Variants in CYP20A1 observed in about 807,000 individuals in gnomAD.
The protein encoded by CYP20A1 is cytochrome P450 20A1.
A neutral mutation model predicts 61.4 loss-of-function variants in CYP20A1; 61 were observed. The ratio of observed to expected loss-of-function variants is 0.99; its 90% CI spans 0.81 to 1.23. The LOEUF (loss-of-function observed/expected upper bound fraction) is 1.23, where lower values mean the gene tolerates loss of function less well. Among genes scored for constraint, CYP20A1 ranks in the 50% most tolerant of loss-of-function variants. The probability of loss-of-function intolerance (pLI) is 0.00; values close to 1 mark genes in which losing one functional copy is unlikely to be tolerated. For synonymous variants in CYP20A1, 193 were observed against 188.2 expected (o/e 1.03, Z -0.21); for missense variants, 530 against 542.4 (o/e 0.98, Z 0.23).
intron 8 of CYP20A1, among the ~76,000 whole-genome samples, chr2:203,280,834 A>G (rs1025185442): frequency 6.6e-6 from 1 of 152,212 alleles, no homozygotes; most frequent in African/African-American, 2.4e-5. Flanking sequence ...GCCACCTCTG[A>G]AAATTGCCAT....
At chr2:203,245,472 A>G (rs1400187922) in intron 1 of CYP20A1, among the ~76,000 whole-genome samples, 1 of 151,236 alleles carries the variant, frequency 6.6e-6, no homozygotes, top group Non-Finnish European at 1.5e-5. Flanking sequence ...TAAGCCTAGT[A>G]CCCATTAGTT....
At chr2:203,265,493 G>A (rs2067288418) in intron 4 of CYP20A1, among the ~76,000 whole-genome samples, 1 of 152,034 alleles carries the variant, frequency 6.6e-6, no homozygotes, top group African/African-American at 2.4e-5. Context: ...TTATTCATTT[G>A]TCATGCACCC....
chr2:203,292,909 C>T (rs956399880), intron 11 of CYP20A1, among the ~76,000 whole-genome samples: 12 of 152,104 alleles, frequency 7.9e-5, no homozygotes, highest in Non-Finnish European at 7.3e-5. Context: ...GGCACCGTGG[C>T]TCATGCCTGT....
chr2:203,301,914 CTTTTTTTTTTT>C lies in CYP20A1; in HGVS notation c.*5018_*5028del, dbSNP rs763764173. On this transcript the variant is annotated 3_prime_UTR_variant, in exon 13 of 13. Transcript: ENST00000356079. ...TTTGAAGTTAACCACTGTTAAGATT[CTTTTTTTTTTT>C]TTTTTTTTTTTGTTTTGAGACTGAG... is the stretch of plus-strand genomic sequence containing the variant. 9.3e-4 allele frequency among the ~76,000 whole-genome samples: 96 copies of C among 103,572 alleles called. No homozygotes were observed. Among genetic ancestry groups the C allele is most frequent in the East Asian group, 6.8e-3 (22 of 3,234 alleles). 67.9% of individuals were successfully genotyped at this position (103,572 alleles called of 152,430 possible).
chr2:203,258,005 G>GCACAATTATAGCCC (rs1455916330), intron 4 of CYP20A1, among the ~76,000 whole-genome samples: 1 of 151,746 alleles, frequency 6.6e-6, no homozygotes, highest in Non-Finnish European at 1.5e-5. Context: ...GGGCTGAAGG[G>GCACAATTATAGCCC]ATCCTCCTGC....
intron 9 of CYP20A1, among the ~76,000 whole-genome samples, chr2:203,287,263 C>T (rs1373624947): frequency 7.6e-6 from 1 of 131,100 alleles, no homozygotes; most frequent in African/African-American, 2.8e-5. Context: ...CTGGAAAGAA[C>T]TAGGAGGCTT....
chr2:203,272,573 AG>A, intron 5 of CYP20A1, 96 bp from the exon 6 acceptor site: 1 of 348,504 alleles, frequency 2.9e-6, no homozygotes, highest in Non-Finnish European at 5.3e-6. Context: ...AAAAAAAAAG[AG>A]TTAAAGAGTT....
intron 4 of CYP20A1, among the ~76,000 whole-genome samples, chr2:203,254,743 C>T (rs1418047180): frequency 6.6e-6 from 1 of 152,084 alleles, no homozygotes; most frequent in African/African-American, 2.4e-5. Flanking sequence ...AATCTCAGCA[C>T]TTTGAGAGGC....
At chr2:203,257,133 T>C (rs1308233942) in intron 4 of CYP20A1, among the ~76,000 whole-genome samples, 1 of 151,634 alleles carries the variant, frequency 6.6e-6, no homozygotes, top group Admixed American at 6.6e-5. Flanking sequence ...CCTCCCGTGA[T>C]GAGACCCTGT....
At chr2:203,296,607 T>G in intron 12 of CYP20A1, 44 bp downstream of exon 12, 1 of 1,494,316 alleles carries the variant, frequency 6.7e-7, no homozygotes, top group Non-Finnish European at 9.2e-7. Context: ...ATTTTGATGA[T>G]CACTGTTGAT....
intron 2 of CYP20A1, 152 bp from the exon 3 acceptor site, chr2:203,246,603 G>A: frequency 1.4e-6 from 1 of 708,656 alleles, no homozygotes; most frequent in South Asian, 2.0e-5. Flanking sequence ...TAGCAAGAAG[G>A]CAAATATAAT....
At chr2:203,288,962 C>T (rs2068418151) in intron 9 of CYP20A1, among the ~76,000 whole-genome samples, 2 of 152,138 alleles carry the variant, frequency 1.3e-5, no homozygotes, top group Admixed American at 6.6e-5. Context: ...GATTGCAATA[C>T]ATTTTAGTTT....
chr2:203,258,036 G>A (rs1370605338), intron 4 of CYP20A1, among the ~76,000 whole-genome samples: 1 of 51,002 alleles, frequency 2.0e-5, no homozygotes, highest in African/African-American at 3.9e-5. Flanking sequence ...TGAGTAACTA[G>A]GACCACAGGC....
chr2:203,303,064 G>C lies in CYP20A1; in HGVS notation c.*6156G>C, dbSNP rs1485130839. 6.6e-6 allele frequency among the ~76,000 whole-genome samples: 1 copy of C among 151,632 alleles called. No individual in the cohort carries two copies. Among genetic ancestry groups the C allele is most frequent in the East Asian group, 1.9e-4 (1 of 5,160 alleles). On this transcript the variant is annotated 3_prime_UTR_variant, in exon 13 of 13. Transcript: ENST00000356079. Reference sequence around the variant, plus strand: ...CACCCAGGCTGGAGTGTGGTGGCACGATCTTGGCTCACTGCAACCCCTGCC... The same window carrying C: ...CACCCAGGCTGGAGTGTGGTGGCACCATCTTGGCTCACTGCAACCCCTGCC...
intron 9 of CYP20A1, 69 bp downstream of exon 9, chr2:203,285,801 A>T: frequency 7.4e-7 from 1 of 1,351,678 alleles, no homozygotes; most frequent in East Asian, 2.5e-5. Context: ...ATTTAAAGCT[A>T]TTGTTGCTAT....
chr2:203,248,166 A>G (rs1258967502), intron 3 of CYP20A1, among the ~76,000 whole-genome samples: 1 of 152,220 alleles, frequency 6.6e-6, no homozygotes, highest in Non-Finnish European at 1.5e-5. Context: ...TTGAGGCTTC[A>G]GTGAGCCAAG....
At chr2:203,256,065 G>A (rs1328075919) in intron 4 of CYP20A1, among the ~76,000 whole-genome samples, 1 of 152,046 alleles carries the variant, frequency 6.6e-6, no homozygotes, top group Non-Finnish European at 1.5e-5. Context: ...CTGGGCCCAC[G>A]GGATCCTCCC....
chr2:203,280,158 T>G, intron 8 of CYP20A1, 45 bp downstream of exon 8: 2 of 1,485,380 alleles, frequency 1.3e-6, no homozygotes, highest in Non-Finnish European at 9.2e-7. Flanking sequence ...ACTAAATATA[T>G]AGGCTGAGCA....
At chr2:203,250,499 A>G (rs1013433587) in intron 3 of CYP20A1, among the ~76,000 whole-genome samples, 2 of 148,114 alleles carry the variant, frequency 1.4e-5, no homozygotes, top group South Asian at 2.2e-4. Flanking sequence ...CTTTTGTAGA[A>G]CAAGGATCTC....
Sources: gnomAD v4.1 joint callset for allele counts (sites outside exome capture counted in the v4.1 genomes callset) on GRCh38, gnomAD v4.1.1 for gene constraint, MANE v1.5 for transcripts, NCBI Gene and HGNC (gene_info 2026-07-23, HGNC 2026-07-21) for gene names.